Variants in SMCO1 observed in about 807,000 individuals in gnomAD.
SMCO1 encodes single-pass membrane protein with coiled-coil domains 1, also known as single-pass membrane and coiled-coil domain-containing protein 1.
SMCO1 carries 9 observed loss-of-function variants against 7.5 expected under a neutral mutation model. The ratio of observed to expected loss-of-function variants is 1.20; its 90% CI spans 0.72 to 2.09. SMCO1 has a LOEUF of 2.09. Ranked by LOEUF, SMCO1 falls within the 30% of genes most tolerant of loss-of-function variation. SMCO1 has a pLI of 0.00. For synonymous variants in SMCO1, 90 were observed against 93.8 expected, an observed-to-expected ratio of 0.96 and a Z score of 0.23; for missense variants, 219 against 253.1, an observed-to-expected ratio of 0.87 and a Z score of 0.91.
In SMCO1 at chr3:196,507,755, A is replaced by G. The variant is rs1733086880; in HGVS notation, c.*132T>C. 1 of 619,884 alleles carries G rather than the reference A, an allele frequency of 1.6e-6. No homozygotes were observed. Among genetic ancestry groups the G allele is most frequent in the African/African-American group, 1.8e-5 (1 of 54,360 alleles). The allele number at this position is 619,884 out of a possible 1,614,324, so 38.4% of individuals were successfully genotyped here. ...CTGCAAAGAAAGTATCTATTGTATCAATTTGTCATAATTTATTTAACATCC... is the reference window on the plus strand; with the variant it reads ...CTGCAAAGAAAGTATCTATTGTATCGATTTGTCATAATTTATTTAACATCC... On this transcript the variant is annotated 3_prime_UTR_variant, in exon 3 of 3. Coordinates refer to ENST00000397537, the MANE Select transcript of SMCO1 (RefSeq NM_001077657.3).
chr3:196,507,694 T>A lies in SMCO1; in HGVS notation c.*193A>T, dbSNP rs1733084876. Reference sequence around the variant, plus strand: ...CAATACATTTGGTGATCACTTCATATCATTACACAAAGAGCTTCTTCATTC... The same window carrying A: ...CAATACATTTGGTGATCACTTCATAACATTACACAAAGAGCTTCTTCATTC... On this transcript the variant is annotated 3_prime_UTR_variant, in exon 3 of 3. Transcript: ENST00000397537. 1.9e-6 allele frequency: 1 copy of A among 528,716 alleles called. No individual in the cohort carries two copies. The highest frequency in any genetic ancestry group is 1.9e-5 in the African/African-American group (1 of 52,482). 32.8% of individuals were successfully genotyped at this position (528,716 alleles called of 1,614,324 possible). A position where few individuals can be genotyped will look rare whatever the true frequency, so the allele number is the denominator to read the frequency against.
chr3:196,518,470 A>G (rs1733432582), upstream of SMCO1, among the ~76,000 whole-genome samples: 1 of 152,084 alleles, frequency 6.6e-6, no homozygotes, highest in Admixed American at 6.5e-5. Flanking sequence ...CCATATCACG[A>G]TGCTCAGCTA....
chr3:196,515,980 GAGGAT>G (rs11277804), upstream of SMCO1, among the ~76,000 whole-genome samples: 2,229 of 47,294 alleles, frequency 0.047, 179 homozygotes, highest in African/African-American at 0.091. Context: ...GCCCGGGCAA[GAGGAT>G]AGGATATATA....
At position 196,514,998 on chromosome 3, in the gene SMCO1, C is replaced by G. The variant is rs887343402; in HGVS notation, c.50+162G>C. The G allele has an allele frequency of 1.5e-5, 12 of 812,002 alleles. No homozygotes were observed. The Admixed American group carries it at 2.2e-4, about 15-fold the overall frequency. 50.3% of individuals were successfully genotyped at this position (812,002 alleles called of 1,614,324 possible). ...CCTGTGATCCGCCCACCTCGGCCTC[C>G]CAGTGTGCTGGGATTACAGGTGTGA... On this transcript the variant is annotated intron_variant, in intron 1 of 2. Coordinates refer to ENST00000397537, the MANE Select transcript of SMCO1 (RefSeq NM_001077657.3).
At chr3:196,511,344 G>C (rs1213916455) in intron 1 of SMCO1, among the ~76,000 whole-genome samples, 1 of 125,436 alleles carries the variant, frequency 8.0e-6, no homozygotes, top group Non-Finnish European at 1.7e-5. Flanking sequence ...CCTGCGCCAA[G>C]TAGATTGTTG....
chr3:196,513,830 T>C (rs1038398250), intron 1 of SMCO1, among the ~76,000 whole-genome samples: 3 of 152,174 alleles, frequency 2.0e-5, no homozygotes, highest in Admixed American at 1.3e-4. Flanking sequence ...TCCAGATAAA[T>C]CTCAACCAAC....
At chr3:196,515,485 T>A (rs1296795604), upstream of SMCO1, 39 of 430,256 alleles carry the variant, frequency 9.1e-5, no homozygotes, top group Non-Finnish European at 1.7e-4. Context: ...TACATTAACA[T>A]ACAGCAACAA....
chr3:196,513,894 T>C (rs1008732664), intron 1 of SMCO1, among the ~76,000 whole-genome samples: 8 of 152,210 alleles, frequency 5.3e-5, no homozygotes, highest in Non-Finnish European at 1.0e-4. Flanking sequence ...TTCCCTAGTT[T>C]CGTTAATGAC....
At chr3:196,510,212 C>T (rs529386193) in intron 1 of SMCO1, among the ~76,000 whole-genome samples, 1 of 152,294 alleles carries the variant, frequency 6.6e-6, no homozygotes, top group South Asian at 2.1e-4. Flanking sequence ...CAGTGATCCA[C>T]CTGTCTTAGC....
At chr3:196,515,633 G>T (rs1009656917), upstream of SMCO1, among the ~76,000 whole-genome samples, 1 of 152,022 alleles carries the variant, frequency 6.6e-6, no homozygotes. Context: ...CCTAAATTAG[G>T]TTTGAAGAGT....
At chr3:196,508,446 A>G (rs1442305333) in intron 2 of SMCO1, 115 bp from the exon 3 acceptor site, 18 of 745,794 alleles carry the variant, frequency 2.4e-5, no homozygotes, top group Middle Eastern at 4.0e-4. Context: ...AGCTGTTGTA[A>G]TTTAGAAAAT....
rs1733211090 is a variant in SMCO1 at position 196,511,107 on chromosome 3, A to AC, written c.51-1439_51-1438insG. 3.4e-5 allele frequency among the ~76,000 whole-genome samples: 5 copies of AC among 145,506 alleles called. 1 individual carries two copies. The highest frequency in any genetic ancestry group is 1.4e-4 in the African/African-American group (5 of 35,936). ...CACCTAGATTGTCATTATGAGGGAA[A>AC]TTTGCCTGGGCCACCTAGATTGTCT... On this transcript the variant is annotated intron_variant, in intron 1 of 2. Coordinates refer to ENST00000397537, the MANE Select transcript of SMCO1 (RefSeq NM_001077657.3).
At chr3:196,511,131 CTTTATGAGGGAAA>C (rs1733213337) in intron 1 of SMCO1, among the ~76,000 whole-genome samples, 1 of 144,080 alleles carries the variant, frequency 6.9e-6, no homozygotes, top group Non-Finnish European at 1.5e-5. Context: ...CCTAGATTGT[CTTTATGAGGGAAA>C]CTTGCCTGAG....
At chr3:196,518,617 C>G (rs1469550268), upstream of SMCO1, among the ~76,000 whole-genome samples, 5 of 152,180 alleles carry the variant, frequency 3.3e-5, no homozygotes, top group Admixed American at 3.3e-4. Context: ...ACAAAGGACC[C>G]TGGGTGTTTC....
Position 196,507,896 on chromosome 3 carries a change from G to T in SMCO1, c.636C>A (p.Val212=). The change falls in exon 3 of 3, where the codon GTC becomes GTA. Residue 212 remains valine (V), a synonymous_variant. Transcript: ENST00000397537. The stretch of plus-strand genomic sequence containing the variant: ...GTCATAGGGTAACAGGTTAGTTTTT[G>T]ACAGATGGTATCAACTCTTCGAGGG... ...KSSLEELIPS[V]KN The T allele has an allele frequency of 1.2e-6, 2 of 1,605,558 alleles. No homozygotes were observed. The highest frequency in any genetic ancestry group is 1.1e-5 in the South Asian group (1 of 90,240).
intron 1 of SMCO1, among the ~76,000 whole-genome samples, chr3:196,512,995 G>T (rs1049868330): frequency 1.3e-5 from 2 of 152,120 alleles, no homozygotes; most frequent in African/African-American, 4.8e-5. Flanking sequence ...AGAAGCCTGT[G>T]TGACCTGATA....
At position 196,507,989 on chromosome 3, in the gene SMCO1, A is replaced by T; in HGVS notation, c.543T>A (p.Ser181Arg). The T allele has an allele frequency of 1.9e-6, 3 of 1,614,122 alleles. No individual in the cohort carries two copies. The highest frequency in any genetic ancestry group is 1.3e-5 in the African/African-American group (1 of 75,002). ...NMVKNQALQD[S>R]LLRAVQVIEK... The stretch of plus-strand genomic sequence containing the variant: ...CAATTACCTGCACAGCCCTCAGCAA[A>T]CTGTCCTGCAGAGCCTGGTTCTTTA... Residue 181 changes from serine to arginine, a missense_variant, in exon 3 of 3, where the codon AGT (serine) becomes AGA (arginine). Ser to Arg is a moderately radical substitution (Grantham distance 110). Transcript: ENST00000397537.
chr3:196,518,952 G>A (rs538439323), upstream of SMCO1, among the ~76,000 whole-genome samples: 4 of 152,272 alleles, frequency 2.6e-5, no homozygotes, highest in African/African-American at 4.8e-5. Flanking sequence ...TAACCATCCC[G>A]TGAGGCCAGG....
At chr3:196,518,945 C>T (rs1051938283), upstream of SMCO1, among the ~76,000 whole-genome samples, 2 of 152,188 alleles carry the variant, frequency 1.3e-5, no homozygotes, top group South Asian at 2.1e-4. Context: ...GGAAACCTAA[C>T]CATCCCGTGA....
Sources: allele counts gnomAD v4.1 joint callset (sites outside exome capture counted in the v4.1 genomes callset), GRCh38; gene constraint gnomAD v4.1.1; transcripts MANE v1.5; gene names NCBI Gene and HGNC (gene_info 2026-07-23, HGNC 2026-07-21).